Variants in AGBL4 observed in about 807,000 individuals in gnomAD.
AGBL4 encodes AGBL carboxypeptidase 4, also known as cytosolic carboxypeptidase 6.
Under a neutral mutation model 66.4 loss-of-function variants are expected in AGBL4, and 58 were observed. The observed-to-expected ratio is 0.87, with a 90% CI of 0.71 to 1.09. AGBL4 has a LOEUF of 1.09. Among genes scored for constraint, AGBL4 ranks in the 50% least tolerant of loss-of-function variants. The pLI is 0.00. For synonymous variants in AGBL4, 234 were observed against 222.9 expected, an observed-to-expected ratio of 1.05 and a Z score of -0.44; for missense variants, 579 against 631.0, an observed-to-expected ratio of 0.92 and a Z score of 0.88.
At chr1:49,651,427 C>A (rs1215007964) in intron 3 of AGBL4, among the ~76,000 whole-genome samples, 2 of 152,122 alleles carry the variant, frequency 1.3e-5, no homozygotes, top group Non-Finnish European at 2.9e-5. Flanking sequence ...AACTGCCCCA[C>A]CATGTAAGAA....
At chr1:49,358,610 T>C (rs1367398345) in intron 3 of AGBL4, among the ~76,000 whole-genome samples, 1 of 152,166 alleles carries the variant, frequency 6.6e-6, no homozygotes, top group East Asian at 1.9e-4. Context: ...ATCATTTTCC[T>C]GTGAAACAGT....
At chr1:48,715,176 C>A (rs1647029675) in intron 6 of AGBL4, among the ~76,000 whole-genome samples, 1 of 152,116 alleles carries the variant, frequency 6.6e-6, no homozygotes, top group South Asian at 2.1e-4. Context: ...ACTTGATAAG[C>A]ACATACCTTG....
chr1:49,808,952 T>C (rs1173274399), intron 2 of AGBL4, among the ~76,000 whole-genome samples: 1 of 152,202 alleles, frequency 6.6e-6, no homozygotes, highest in East Asian at 1.9e-4. Context: ...GTTTGCTCCC[T>C]ATTTGCTTTC....
At chr1:49,672,970 C>G (rs923919267) in intron 3 of AGBL4, among the ~76,000 whole-genome samples, 1 of 145,996 alleles carries the variant, frequency 6.8e-6, no homozygotes, top group Admixed American at 6.8e-5. Context: ...AATTTGATAA[C>G]CTTTAGCCCA....
At chr1:49,383,691 T>C (rs1263628651) in intron 3 of AGBL4, among the ~76,000 whole-genome samples, 1 of 151,870 alleles carries the variant, frequency 6.6e-6, no homozygotes, top group Non-Finnish European at 1.5e-5. Flanking sequence ...ACTATAAAAC[T>C]CCTAGAAAAC....
At chr1:48,767,895 C>A (rs763458276) in intron 6 of AGBL4, among the ~76,000 whole-genome samples, 2 of 152,192 alleles carry the variant, frequency 1.3e-5, no homozygotes, top group African/African-American at 2.4e-5. Flanking sequence ...TAATTACATT[C>A]ATCCATTCAA....
At chr1:49,658,092 T>G (rs1192613813) in intron 3 of AGBL4, among the ~76,000 whole-genome samples, 1 of 151,958 alleles carries the variant, frequency 6.6e-6, no homozygotes, top group Admixed American at 6.6e-5. Context: ...GGGAGAAAAT[T>G]TTTGCAATCT....
intron 3 of AGBL4, among the ~76,000 whole-genome samples, chr1:49,538,184 G>A (rs959262123): frequency 6.6e-6 from 1 of 152,146 alleles, no homozygotes; most frequent in Non-Finnish European, 1.5e-5. Context: ...TAATAACAAA[G>A]ATGTGGAACC....
chr1:48,999,458 C>T (rs528215255), intron 5 of AGBL4, among the ~76,000 whole-genome samples: 8 of 152,232 alleles, frequency 5.3e-5, no homozygotes, highest in South Asian at 2.1e-4. Flanking sequence ...TTACATTATT[C>T]GTCAAGAGAA....
At chr1:48,540,675 G>A (rs1426347324) in intron 11 of AGBL4, among the ~76,000 whole-genome samples, 1 of 152,066 alleles carries the variant, frequency 6.6e-6, no homozygotes, top group Non-Finnish European at 1.5e-5. Context: ...AGAATTATGT[G>A]TTTACTCAGC....
intron 2 of AGBL4, among the ~76,000 whole-genome samples, chr1:49,742,202 G>C (rs1356381981): frequency 3.3e-5 from 5 of 150,568 alleles, no homozygotes; most frequent in African/African-American, 1.2e-4. Flanking sequence ...CTTCAGCAAA[G>C]TCTCAGGATA....
intron 3 of AGBL4, among the ~76,000 whole-genome samples, chr1:49,689,545 G>A (rs925041633): frequency 6.6e-6 from 1 of 152,030 alleles, no homozygotes; most frequent in African/African-American, 2.4e-5. Context: ...GGATAGCTTT[G>A]GTTCTTCTGG....
chr1:49,897,787 G>A (rs1405958728), intron 1 of AGBL4, among the ~76,000 whole-genome samples: 1 of 151,896 alleles, frequency 6.6e-6, no homozygotes, highest in Non-Finnish European at 1.5e-5. Context: ...GAAAAATGGA[G>A]CAGAATAGAC....
intron 1 of AGBL4, among the ~76,000 whole-genome samples, chr1:49,984,590 G>A (rs1659347651): frequency 1.3e-5 from 2 of 152,136 alleles, no homozygotes; most frequent in African/African-American, 2.4e-5. Context: ...CCTGCTTCCA[G>A]GTGCCTATCT....
intron 9 of AGBL4, among the ~76,000 whole-genome samples, chr1:48,632,765 G>A (rs1645612419): frequency 6.6e-6 from 1 of 152,252 alleles, no homozygotes; most frequent in African/African-American, 2.4e-5. Flanking sequence ...AAATGTAGGA[G>A]CTTGTTCTCT....
chr1:49,347,652 G>C (rs1424720262), intron 3 of AGBL4, among the ~76,000 whole-genome samples: 6 of 151,870 alleles, frequency 4.0e-5, no homozygotes, highest in Admixed American at 6.6e-5. Flanking sequence ...AAGGTCAGGA[G>C]ATTGAGACCA....
chr1:49,947,981 TATATATTTATATATATAA>T (rs1655431299), intron 1 of AGBL4, among the ~76,000 whole-genome samples: 1 of 102,412 alleles, frequency 9.8e-6, no homozygotes, highest in Non-Finnish European at 1.8e-5. Context: ...TATTTATAAA[TATATATTTATATATATAA>T]ATATATATAA....
intron 11 of AGBL4, among the ~76,000 whole-genome samples, chr1:48,571,010 C>T (rs1644553958): frequency 6.6e-6 from 1 of 152,156 alleles, no homozygotes; most frequent in African/African-American, 2.4e-5. Context: ...ATTGGGATCC[C>T]CATGAAGCGA....
At chr1:48,919,226 T>C (rs886572469) in intron 5 of AGBL4, among the ~76,000 whole-genome samples, 2 of 152,184 alleles carry the variant, frequency 1.3e-5, no homozygotes, top group Non-Finnish European at 2.9e-5. Flanking sequence ...TATGGAACTC[T>C]CTGTACAGAA....
Sources: gnomAD v4.1 joint callset for allele counts (sites outside exome capture counted in the v4.1 genomes callset) on GRCh38, gnomAD v4.1.1 for gene constraint, MANE v1.5 for transcripts, NCBI Gene and HGNC (gene_info 2026-07-23, HGNC 2026-07-21) for gene names.